MAGI1: variants seen among roughly 807,000 people sequenced by gnomAD.
MAGI1 encodes the protein membrane associated guanylate kinase, WW and PDZ domain containing 1.
MAGI1 carries 58 observed loss-of-function variants against 139.9 expected under a neutral mutation model. The observed-to-expected ratio is 0.41, with a 90% CI of 0.34 to 0.52. MAGI1 has a LOEUF of 0.52. Ranked by LOEUF, MAGI1 falls within the 20% of genes least tolerant of loss-of-function variation. MAGI1 has a pLI of 0.12. For synonymous variants in MAGI1, 812 were observed against 737.9 expected (o/e 1.10, Z -1.63); for missense variants, 1,874 against 1,901.6 (o/e 0.99, Z 0.27).
At chr3:65,896,539 G>T (rs1017599790) in intron 1 of MAGI1, among the ~76,000 whole-genome samples, 1 of 152,182 alleles carries the variant, frequency 6.6e-6, no homozygotes, top group East Asian at 1.9e-4. Flanking sequence ...GCTGGACACG[G>T]TGGTTCACAC....
chr3:66,016,319 A>T (rs1406992394), intron 1 of MAGI1, among the ~76,000 whole-genome samples: 2 of 152,178 alleles, frequency 1.3e-5, no homozygotes, highest in African/African-American at 2.4e-5. Context: ...TCACAGAAGT[A>T]AAAACATGTA....
At chr3:65,490,013 A>G (rs1183319779) in intron 3 of MAGI1, among the ~76,000 whole-genome samples, 1 of 152,192 alleles carries the variant, frequency 6.6e-6, no homozygotes, top group African/African-American at 2.4e-5. Context: ...AGGGGAAAAA[A>G]GATGGTGAGT....
At chr3:65,760,417 C>G (rs1411655872) in intron 1 of MAGI1, among the ~76,000 whole-genome samples, 1 of 148,894 alleles carries the variant, frequency 6.7e-6, no homozygotes, top group African/African-American at 2.5e-5. Flanking sequence ...GAGATGGGGT[C>G]TTGTTCTGTC....
chr3:65,568,908 G>A (rs186866195), intron 2 of MAGI1, among the ~76,000 whole-genome samples: 4 of 152,230 alleles, frequency 2.6e-5, no homozygotes, highest in African/African-American at 4.8e-5. Flanking sequence ...TAATATCCAC[G>A]TATAATTTTA....
At chr3:65,858,460 T>C (rs59965806) in intron 1 of MAGI1, among the ~76,000 whole-genome samples, 24 of 152,346 alleles carry the variant, frequency 1.6e-4, no homozygotes, top group African/African-American at 5.3e-4. Context: ...GTGACTCTGA[T>C]TGGCTGGGTA....
At chr3:65,850,950 T>C (rs777294373) in intron 1 of MAGI1, among the ~76,000 whole-genome samples, 40 of 152,078 alleles carry the variant, frequency 2.6e-4, no homozygotes, top group Non-Finnish European at 3.8e-4. Context: ...CTACTTAAAA[T>C]ACAAAAATTA....
chr3:65,419,352 A>C (rs1176605009), intron 12 of MAGI1, among the ~76,000 whole-genome samples: 1 of 152,156 alleles, frequency 6.6e-6, no homozygotes, highest in East Asian at 1.9e-4. Context: ...ATATTTCATA[A>C]AAAAGGACTT....
At chr3:65,596,364 T>A (rs537491724) in intron 2 of MAGI1, among the ~76,000 whole-genome samples, 1 of 152,294 alleles carries the variant, frequency 6.6e-6, no homozygotes, top group Non-Finnish European at 1.5e-5. Context: ...AAGCACTGAA[T>A]ACTCATTCAA....
At chr3:65,529,193 C>T (rs534175890) in intron 2 of MAGI1, among the ~76,000 whole-genome samples, 1 of 151,478 alleles carries the variant, frequency 6.6e-6, no homozygotes, top group East Asian at 1.9e-4. Context: ...TGAGTAGATA[C>T]TTTTCACATT....
At chr3:65,769,361 T>G (rs1037522323) in intron 1 of MAGI1, among the ~76,000 whole-genome samples, 1 of 152,302 alleles carries the variant, frequency 6.6e-6, no homozygotes, top group East Asian at 1.9e-4. Context: ...TGATGTTGTG[T>G]ACCTGTAGTC....
chr3:65,547,995 T>G (rs1012996259), intron 2 of MAGI1, among the ~76,000 whole-genome samples: 1 of 152,196 alleles, frequency 6.6e-6, no homozygotes, highest in Non-Finnish European at 1.5e-5. Flanking sequence ...ATGAAGTAAT[T>G]GAGGAACTCC....
At chr3:65,739,518 A>G (rs529483421) in intron 1 of MAGI1, among the ~76,000 whole-genome samples, 1 of 152,356 alleles carries the variant, frequency 6.6e-6, no homozygotes, top group Non-Finnish European at 1.5e-5. Context: ...GTTTGGTTCA[A>G]GAGGCCTAGC....
At chr3:65,675,531 A>G (rs1025589829) in intron 1 of MAGI1, among the ~76,000 whole-genome samples, 1 of 152,228 alleles carries the variant, frequency 6.6e-6, no homozygotes, top group Non-Finnish European at 1.5e-5. Flanking sequence ...ACTCACATGA[A>G]TTCACAAAAC....
At chr3:65,897,295 G>T (rs578250544) in intron 1 of MAGI1, among the ~76,000 whole-genome samples, 2 of 152,078 alleles carry the variant, frequency 1.3e-5, no homozygotes, top group East Asian at 3.9e-4. Flanking sequence ...ACACTTTGAG[G>T]GGCCAAGGCA....
At chr3:66,006,362 A>G (rs1541856) in intron 1 of MAGI1, among the ~76,000 whole-genome samples, 95,523 of 152,056 alleles carry the variant, frequency 0.63, 30,359 homozygotes, top group East Asian at 0.73. Flanking sequence ...ATTTTATTTC[A>G]AATGTTAAAG....
rs529995325 is a variant in MAGI1, at chr3:65,636,734, A to T, written c.314-14646T>A. On this transcript the variant is annotated intron_variant, in intron 1 of 22. Transcript: ENST00000402939. Reference sequence around the variant, plus strand: ...CACACACACACACACATACACACACACACACATTAAGCCATTTATTTTCTG... The same window carrying T: ...CACACACACACACACATACACACACTCACACATTAAGCCATTTATTTTCTG... 1.1e-4 allele frequency among the ~76,000 whole-genome samples: 17 copies of T among 152,158 alleles called. 1 individual carries two copies. The highest frequency in any genetic ancestry group is 4.1e-4 in the African/African-American group (17 of 41,500).
At chr3:65,932,686 C>T (rs977865739) in intron 1 of MAGI1, among the ~76,000 whole-genome samples, 1 of 152,256 alleles carries the variant, frequency 6.6e-6, no homozygotes, top group South Asian at 2.1e-4. Context: ...AATAAGAGAG[C>T]CAAAGGGGCT....
intron 12 of MAGI1, 119 bp downstream of exon 12, chr3:65,429,401 G>C (rs935347637): frequency 5.0e-5 from 53 of 1,064,458 alleles, no homozygotes; most frequent in Admixed American, 1.4e-4. Context: ...GAAATCAGTA[G>C]GCATTTTGAA....
intron 10 of MAGI1, among the ~76,000 whole-genome samples, chr3:65,431,108 A>C (rs1947421437): frequency 6.6e-6 from 1 of 152,154 alleles, no homozygotes; most frequent in South Asian, 2.1e-4. Context: ...CAGGGTCCAA[A>C]AGAAACTACA....
Sources: gnomAD v4.1 joint callset for allele counts (sites outside exome capture counted in the v4.1 genomes callset) on GRCh38, gnomAD v4.1.1 for gene constraint, MANE v1.5 for transcripts, NCBI Gene and HGNC (gene_info 2026-07-23, HGNC 2026-07-21) for gene names.